The following ISOC2 variants were observed in gnomAD, a reference collection of about 807,000 sequenced individuals.
ISOC2 encodes the protein isochorismatase domain containing 2.
ISOC2 carries 15 observed loss-of-function variants against 19.3 expected under a neutral mutation model. That is an observed-to-expected ratio of 0.78 (90% CI 0.52 to 1.20). The LOEUF (loss-of-function observed/expected upper bound fraction) is 1.20. Ranked by LOEUF, ISOC2 falls within the 50% of genes most tolerant of loss-of-function variation. The pLI, the probability that ISOC2 is intolerant of heterozygous loss-of-function variation, is 0.00. For synonymous variants in ISOC2, 106 were observed against 115.8 expected, an observed-to-expected ratio of 0.92 and a Z score of 0.54; for missense variants, 285 against 272.4, an observed-to-expected ratio of 1.05 and a Z score of -0.33.
intron 1 of ISOC2, among the ~76,000 whole-genome samples, chr19:55,457,950 T>C (rs1383560453): frequency 6.6e-6 from 1 of 151,518 alleles, no homozygotes; most frequent in Non-Finnish European, 1.5e-5. Context: ...GAAAATGCTC[T>C]GGGACTTGGT....
chr19:55,454,053 C>T (rs76435877), intron 5 of ISOC2: 6,912 of 152,632 alleles, frequency 0.045, 159 homozygotes, highest in Middle Eastern at 0.1. Flanking sequence ...CTGCATCAAA[C>T]CCTGATGGCT....
intron 1 of ISOC2, among the ~76,000 whole-genome samples, chr19:55,460,751 T>C (rs571262140): frequency 8.5e-5 from 13 of 152,360 alleles, no homozygotes; most frequent in African/African-American, 2.9e-4. Context: ...TGTGGTATTA[T>C]TCCAGAAAAA....
At chr19:55,454,763 C>T (rs1985986845) in intron 5 of ISOC2, 1 of 574,526 alleles carries the variant, frequency 1.7e-6, no homozygotes, top group African/African-American at 1.9e-5. Flanking sequence ...TGTGCCCTGA[C>T]CCTCTGGATT....
In ISOC2 at chr19:55,454,979, C is replaced by T. The variant is rs2277959; in HGVS notation, c.537+10G>A. 557,740 of 1,593,610 alleles carry T rather than the reference C, an allele frequency of 0.35. 99,406 individuals are homozygous for T. Among genetic ancestry groups the T allele is most frequent in the Admixed American group, 0.45 (26,762 of 59,934 alleles). Reference sequence around the variant, plus strand: ...TGCAGGGGAGGTGGGGGCGGCCAGGCGGGCATTACCTCCTTGAACTGGGGG... The same window carrying T: ...TGCAGGGGAGGTGGGGGCGGCCAGGTGGGCATTACCTCCTTGAACTGGGGG... On this transcript the variant is annotated intron_variant, in intron 5 of 5. Transcript: ENST00000425675.
intron 5 of ISOC2, chr19:55,454,493 C>T (rs1985979200): frequency 6.2e-6 from 1 of 160,150 alleles, no homozygotes; most frequent in Admixed American, 6.0e-5. Context: ...GCAGGGGGGC[C>T]CAGTACCTGG....
intron 1 of ISOC2, among the ~76,000 whole-genome samples, chr19:55,458,362 T>C (rs971490081): frequency 2.6e-5 from 4 of 152,216 alleles, no homozygotes; most frequent in East Asian, 3.8e-4. Context: ...TGGGCTTTTG[T>C]CTGCAGCTCT....
chr19:55,460,618 G>A (rs1054926612), intron 1 of ISOC2, among the ~76,000 whole-genome samples: 1 of 152,214 alleles, frequency 6.6e-6, no homozygotes, highest in Non-Finnish European at 1.5e-5. Context: ...CGACGACGGC[G>A]GGAGATCCTG....
chr19:55,458,307 G>A (rs1453563125), intron 1 of ISOC2, among the ~76,000 whole-genome samples: 1 of 152,204 alleles, frequency 6.6e-6, no homozygotes. Context: ...TGGGAGGCTT[G>A]TGCTTTTGGG....
chr19:55,461,122 C>T (rs1172356912), intron 1 of ISOC2, among the ~76,000 whole-genome samples: 19 of 150,016 alleles, frequency 1.3e-4, no homozygotes. Context: ...GGAGGGTACC[C>T]AAGGCCAAAG....
intron 3 of ISOC2, 25 bp downstream of exon 3, chr19:55,455,610 AC>A: frequency 6.5e-7 from 1 of 1,538,952 alleles, no homozygotes; most frequent in Non-Finnish European, 8.8e-7. Context: ...AGAACGAGGG[AC>A]CCCTGGGGTC....
At chr19:55,457,852 A>C (rs1290763746) in intron 1 of ISOC2, among the ~76,000 whole-genome samples, 1 of 149,562 alleles carries the variant, frequency 6.7e-6, no homozygotes, top group Admixed American at 6.6e-5. Flanking sequence ...AAAAAAGAGA[A>C]AGAAAGCAGA....
chr19:55,456,581 A>T, intron 1 of ISOC2, 92 bp from the exon 2 acceptor site: 1 of 1,518,604 alleles, frequency 6.6e-7, no homozygotes, highest in Non-Finnish European at 8.9e-7. Context: ...AGAGCCTGGC[A>T]GGGCCCGGGG....
At chr19:55,460,535 C>T (rs1444686374) in intron 1 of ISOC2, among the ~76,000 whole-genome samples, 1 of 152,078 alleles carries the variant, frequency 6.6e-6, no homozygotes, top group East Asian at 1.9e-4. Context: ...GGCATAAAGC[C>T]AAAACCCGGC....
intron 1 of ISOC2, chr19:55,459,967 C>T (rs1311532657): frequency 6.6e-6 from 1 of 152,200 alleles, no homozygotes; most frequent in African/African-American, 2.4e-5. Context: ...GAGTGTGGGT[C>T]ACAACAACTC....
intron 1 of ISOC2, among the ~76,000 whole-genome samples, chr19:55,461,153 C>T (rs1214649575): frequency 6.7e-6 from 1 of 149,746 alleles, no homozygotes; most frequent in African/African-American, 2.5e-5. Context: ...TGGAGGTGGG[C>T]GGCAACAGGG....
chr19:55,455,277 G>A lies in ISOC2; in HGVS notation c.402C>T (p.Asp134=), dbSNP rs751167846. The A allele has an allele frequency of 2.0e-5, 32 of 1,612,594 alleles. No homozygotes were observed. The highest frequency in any genetic ancestry group is 6.7e-5 in the East Asian group (3 of 44,858). ...CCTCTCACCTGCGTGAGGAGCAGGC[G>A]TCCACCACCACATGGACCTGCAGCC... The part of the protein sequence containing the change: ...DRGLQVHVVV[D]ACSSRSQVDR... The change falls in exon 4 of 6, where the codon GAC becomes GAT. Residue 134 remains aspartate, a synonymous_variant. Coordinates refer to ENST00000425675, the MANE Select transcript of ISOC2 (RefSeq NM_001136201.2).
chr19:55,456,594 C>T (rs1311655213), intron 1 of ISOC2, 105 bp from the exon 2 acceptor site: 2 of 1,405,224 alleles, frequency 1.4e-6, no homozygotes, highest in South Asian at 1.4e-5. Flanking sequence ...GCCCGGGGCA[C>T]CTTGCCAACC....
intron 5 of ISOC2, chr19:55,454,046 C>A (rs1278654982): frequency 6.6e-6 from 1 of 152,572 alleles, no homozygotes; most frequent in African/African-American, 2.4e-5. Context: ...AGCTCCCCTG[C>A]ATCAAACCCT....
intron 1 of ISOC2, chr19:55,459,923 TG>T (rs1986181216): frequency 6.6e-6 from 1 of 152,226 alleles, no homozygotes; most frequent in African/African-American, 2.4e-5. Context: ...GACAGGCATG[TG>T]GAGCACCCAG....
Sources: gnomAD v4.1 joint callset for allele counts (sites outside exome capture counted in the v4.1 genomes callset) on GRCh38, gnomAD v4.1.1 for gene constraint, MANE v1.5 for transcripts, NCBI Gene and HGNC (gene_info 2026-07-23, HGNC 2026-07-21) for gene names.